The following SRRD variants were observed in gnomAD, a reference collection of about 807,000 sequenced individuals.
SRRD encodes SRR1-like protein.
SRRD carries 28 observed loss-of-function variants against 30.7 expected under a neutral mutation model. That is an observed-to-expected ratio of 0.91 (90% CI 0.68 to 1.25). SRRD has a LOEUF of 1.25. SRRD is among the 50% of genes most tolerant of loss of function. The pLI is 0.00. For synonymous variants in SRRD, 161 were observed against 159.6 expected, an observed-to-expected ratio of 1.01 and a Z score of -0.07; for missense variants, 415 against 417.3, an observed-to-expected ratio of 0.99 and a Z score of 0.05.
At chr22:26,484,377 A>T (rs1198599873) in intron 1 of SRRD, among the ~76,000 whole-genome samples, 1 of 152,194 alleles carries the variant, frequency 6.6e-6, no homozygotes, top group Non-Finnish European at 1.5e-5. Flanking sequence ...AAAATAGTAC[A>T]TACGTAGGTT....
At position 26,492,335 on chromosome 22, in the gene SRRD, A is replaced by G. The variant is rs753163860; in HGVS notation, c.*663A>G. 3.1e-6 allele frequency: 5 copies of G among 1,614,160 alleles called. No homozygotes were observed. The highest frequency in any genetic ancestry group is 4.2e-6 in the Non-Finnish European group (5 of 1,180,020). On this transcript the variant is annotated 3_prime_UTR_variant, in exon 7 of 7. Transcript: ENST00000215917. ...CCGCTCCGTGTGGGTGAGATAGGCA[A>G]TGTTCTCCCGTGCTCCTGGCTGCAT... is the stretch of plus-strand genomic sequence containing the variant.
At chr22:26,491,122 G>C (rs1486617434) in intron 6 of SRRD, 52 bp downstream of exon 6, 19 of 1,567,912 alleles carry the variant, frequency 1.2e-5, no homozygotes, top group Non-Finnish European at 1.6e-5. Flanking sequence ...AAACTGTGAA[G>C]AATTCTATCT....
At position 26,492,553 on chromosome 22, in the gene SRRD, C is replaced by G; in HGVS notation, c.*881C>G. 1.7e-6 allele frequency: 1 copy of G among 598,942 alleles called. No homozygotes were observed. Among genetic ancestry groups the G allele is most frequent in the Non-Finnish European group, 3.0e-6 (1 of 336,428 alleles). 37.1% of individuals were successfully genotyped at this position (598,942 alleles called of 1,614,324 possible). A position where few individuals can be genotyped will look rare whatever the true frequency, so the allele number is the denominator to read the frequency against. On this transcript the variant is annotated 3_prime_UTR_variant, in exon 7 of 7. Transcript: ENST00000215917. ...TGGCCAGTATCACATAAAAACTGTT[C>G]AGAAGGTTCCTGGCTAGTATCTAGT...
At chr22:26,489,578 TCC>T (rs748191501) in intron 4 of SRRD, among the ~76,000 whole-genome samples, 5 of 151,994 alleles carry the variant, frequency 3.3e-5, no homozygotes, top group Non-Finnish European at 4.4e-5. Context: ...GGCCTTATGT[TCC>T]CTGCTGGAGT....
chr22:26,491,512 T>C lies in SRRD; in HGVS notation c.860T>C (p.Met287Thr). 1.9e-6 allele frequency: 3 copies of C among 1,614,092 alleles called. No individual in the cohort carries two copies. The highest frequency in any genetic ancestry group is 2.5e-6 in the Non-Finnish European group (3 of 1,180,008). The change falls in exon 7 of 7, where the codon ATG (methionine) becomes ACG (threonine). Residue 287 changes from methionine (M) to threonine (T), a missense_variant. By Grantham distance (81) the Met-to-Thr change is moderately conservative. Coordinates refer to ENST00000215917, the MANE Select transcript of SRRD (RefSeq NM_001013694.3). ...ELEFPQTSQY[M>T]DIFNDTSVHW... is the part of the protein sequence containing the mutation. ...GAGTTTCCTCAGACTTCACAATACA[T>C]GGACATATTTAATGATACCTCTGTC...
intron 5 of SRRD, among the ~76,000 whole-genome samples, chr22:26,490,559 C>CCTTTTTTTTTT (rs1182177256): frequency 3.9e-5 from 2 of 51,834 alleles, no homozygotes; most frequent in Admixed American, 3.3e-4. Context: ...GGAATATTTG[C>CCTTTTTTTTTT]TTTTTTTTTT....
chr22:26,487,416 G>C (rs1003050258), intron 2 of SRRD, among the ~76,000 whole-genome samples: 2 of 152,174 alleles, frequency 1.3e-5, no homozygotes, highest in Non-Finnish European at 2.9e-5. Flanking sequence ...CTGGAATGCA[G>C]CGGTGTGATC....
At position 26,491,645 on chromosome 22, in the gene SRRD, G is replaced by A; in HGVS notation, c.993G>A (p.Lys331=). The change falls in exon 7 of 7, where the codon AAG becomes AAA. Residue 331 remains lysine (K), a synonymous_variant. Transcript: ENST00000215917. ...DCEDLEIIRN[K]REDPSATD is the part of the protein sequence containing the mutation. The stretch of plus-strand genomic sequence containing the variant: ...AGGACCTTGAAATCATCAGGAACAA[G>A]AGAGAAGATCCTTCTGCTACTGACT... 3 of 1,612,796 alleles carry A rather than the reference G, an allele frequency of 1.9e-6. No individual in the cohort carries two copies. Among genetic ancestry groups the A allele is most frequent in the Non-Finnish European group, 2.5e-6 (3 of 1,180,028 alleles).
At chr22:26,491,119 G>C (rs1220611923) in intron 6 of SRRD, 49 bp downstream of exon 6, 1 of 1,566,074 alleles carries the variant, frequency 6.4e-7, no homozygotes, top group African/African-American at 1.4e-5. Flanking sequence ...GTGAAACTGT[G>C]AAGAATTCTA....
In SRRD at chr22:26,486,866, G is replaced by A. The variant is rs543826829; in HGVS notation, c.250+803G>A. ...ATTCTTTTATCAAAATTGACCTGAA[G>A]AGCCAGTTTTTCCTGGCTTGGGGTC... is the stretch of plus-strand genomic sequence containing the variant. On this transcript the variant is annotated intron_variant, in intron 2 of 6. Transcript: ENST00000215917. 5.3e-5 allele frequency among the ~76,000 whole-genome samples: 8 copies of A among 150,478 alleles called. No individual in the cohort carries two copies. The South Asian group carries it at 1.7e-3, about 32-fold the overall frequency.
intron 4 of SRRD, among the ~76,000 whole-genome samples, chr22:26,489,838 A>C (rs1265413158): frequency 1.3e-5 from 2 of 152,140 alleles, no homozygotes; most frequent in Non-Finnish European, 2.9e-5. Context: ...AGTAAACATG[A>C]GTTCTTTCGG....
intron 4 of SRRD, among the ~76,000 whole-genome samples, chr22:26,489,605 G>A (rs903613124): frequency 2.0e-5 from 3 of 152,120 alleles, no homozygotes; most frequent in Admixed American, 6.5e-5. Context: ...CCAGAGAGCA[G>A]TGGTTCTCAG....
Position 26,483,932 on chromosome 22 carries a change from GGCGGCTCCGCGGAAGAGGCGCTCC to G in SRRD, c.50_73del (p.Pro17_Ala24del). 4.4e-6 allele frequency: 6 copies of G among 1,351,396 alleles called. No individual in the cohort carries two copies. Among genetic ancestry groups the G allele is most frequent in the Non-Finnish European group, 5.6e-6 (6 of 1,062,478 alleles). 83.7% of individuals were successfully genotyped at this position (1,351,396 alleles called of 1,614,324 possible). A position where few individuals can be genotyped will look rare whatever the true frequency, so the allele number is the denominator to read the frequency against. On this transcript the variant is annotated inframe_deletion, in exon 1 of 7. Coordinates refer to ENST00000215917, the MANE Select transcript of SRRD (RefSeq NM_001013694.3). ...CTGCGGCGCTGGAATCCTGGCAGGC[GGCGGCTCCGCGGAAGAGGCGCTCC>G]GCGGCTCGACGGCCGCGGCGGAGGG... is the stretch of plus-strand genomic sequence containing the variant.
chr22:26,489,077 G>A (rs2091729390), intron 4 of SRRD, among the ~76,000 whole-genome samples: 1 of 152,200 alleles, frequency 6.6e-6, no homozygotes, highest in African/African-American at 2.4e-5. Flanking sequence ...GTATTGTCTT[G>A]GGGATTAGAA....
intron 5 of SRRD, 38 bp from the exon 6 acceptor site, chr22:26,490,987 G>GTT: frequency 1.1e-5 from 16 of 1,448,666 alleles, no homozygotes; most frequent in Middle Eastern, 1.8e-4. Context: ...TAATCATGGT[G>GTT]TTTTTTTTTT....
At chr22:26,488,548 G>A in intron 4 of SRRD, 60 bp downstream of exon 4, 1 of 1,331,170 alleles carries the variant, frequency 7.5e-7, no homozygotes, top group East Asian at 2.3e-5. Context: ...CTCACCCCAG[G>A]CCCTGCCTGT....
chr22:26,486,084 GGTAGGGATT>G, intron 2 of SRRD, 21 bp downstream of exon 2: 1 of 1,614,096 alleles, frequency 6.2e-7, no homozygotes, highest in Non-Finnish European at 8.5e-7. Context: ...CTTGGCCAAT[GGTAGGGATT>G]GTGGGGCAGA....
chr22:26,491,048 AAAATT>A lies in SRRD; in HGVS notation c.790_794del (p.Asn264SerfsTer14). On this transcript the variant is annotated frameshift_variant, in exon 6 of 7. Transcript: ENST00000215917. LOFTEE classifies it low-confidence loss of function (END_TRUNC). ...AGGTTGTTGGCAAGGATTCTGCAGA[AAAATT>A]ATCCCTACATTGCAAAGGTATCTAT... is the stretch of plus-strand genomic sequence containing the variant. 1 of 1,612,792 alleles carries A rather than the reference AAAATT, an allele frequency of 6.2e-7. No individual in the cohort carries two copies. Among genetic ancestry groups the A allele is most frequent in the South Asian group, 1.1e-5 (1 of 90,794 alleles).
Position 26,483,968 on chromosome 22 carries a change from G to GAAGAGGCGCT in SRRD, c.78_79insAAGAGGCGCT (p.Pro27LysfsTer35). On this transcript the variant is annotated frameshift_variant, in exon 1 of 7. Transcript: ENST00000215917. LOFTEE classifies it high-confidence loss of function. Reference sequence around the variant, plus strand: ...GGAAGAGGCGCTCCGCGGCTCGACGGCCGCGGCGGAGGGAGGCGGCGCCCC... The same window carrying GAAGAGGCGCT: ...GGAAGAGGCGCTCCGCGGCTCGACGGAAGAGGCGCTCCGCGGCGGAGGGAGGCGGCGCCCC... 4 of 1,368,168 alleles carry GAAGAGGCGCT rather than the reference G, an allele frequency of 2.9e-6. No homozygotes were observed. The Admixed American group carries it at 1.2e-4, about 41-fold the overall frequency. 84.8% of individuals were successfully genotyped at this position (1,368,168 alleles called of 1,614,324 possible). A position where few individuals can be genotyped will look rare whatever the true frequency, so the allele number is the denominator to read the frequency against.
Sources: allele counts gnomAD v4.1 joint callset (sites outside exome capture counted in the v4.1 genomes callset), GRCh38; gene constraint gnomAD v4.1.1; transcripts MANE v1.5; gene names NCBI Gene and HGNC (gene_info 2026-07-23, HGNC 2026-07-21).